Variants in MYLK4 observed in about 807,000 individuals in gnomAD.
The protein encoded by MYLK4 is myosin light chain kinase family member 4, also known as caMLCK like.
In MYLK4, 46 loss-of-function variants were observed where a neutral mutation model predicts 48.1. The observed-to-expected ratio is 0.96, with a 90% CI of 0.75 to 1.22. The LOEUF is 1.22. MYLK4 is among the 50% of genes most tolerant of loss of function. MYLK4 has a pLI of 0.00. For synonymous variants in MYLK4, 170 were observed against 180.8 expected (o/e 0.94, Z 0.48); for missense variants, 451 against 486.1 (o/e 0.93, Z 0.68).
intron 2 of MYLK4, among the ~76,000 whole-genome samples, chr6:2,695,349 T>C (rs1762021458): frequency 6.6e-6 from 1 of 152,152 alleles, no homozygotes; most frequent in African/African-American, 2.4e-5. Context: ...TAAAAGTATA[T>C]AAAATTGAGC....
chr6:2,720,888 C>T (rs749959054), intron 2 of MYLK4, among the ~76,000 whole-genome samples: 1 of 152,062 alleles, frequency 6.6e-6, no homozygotes, highest in Non-Finnish European at 1.5e-5. Context: ...GTGGGCTGGG[C>T]GTGGTGGCTC....
intron 3 of MYLK4, 128 bp from the exon 4 acceptor site, chr6:2,689,084 C>A: frequency 1.4e-6 from 1 of 692,292 alleles, no homozygotes; most frequent in Non-Finnish European, 2.5e-6. Context: ...CTGTTTGATT[C>A]CTAATGATCC....
At chr6:2,670,949 C>T (rs931050423) in intron 12 of MYLK4, among the ~76,000 whole-genome samples, 7 of 152,008 alleles carry the variant, frequency 4.6e-5, no homozygotes, top group East Asian at 3.9e-4. Flanking sequence ...TACCCCTAGA[C>T]GGTTACCAGC....
intron 2 of MYLK4, among the ~76,000 whole-genome samples, chr6:2,703,234 AG>A (rs1186882818): frequency 6.6e-6 from 1 of 152,226 alleles, no homozygotes; most frequent in Non-Finnish European, 1.5e-5. Context: ...TGTACAGACC[AG>A]GGAAAAAGAG....
intron 2 of MYLK4, among the ~76,000 whole-genome samples, chr6:2,730,013 G>C (rs956255648): frequency 1.3e-5 from 2 of 152,220 alleles, no homozygotes; most frequent in African/African-American, 4.8e-5. Context: ...AAAACTTCAT[G>C]ATCTGGGGTC....
At chr6:2,725,073 C>T (rs888603049) in intron 2 of MYLK4, among the ~76,000 whole-genome samples, 1 of 152,104 alleles carries the variant, frequency 6.6e-6, no homozygotes, top group African/African-American at 2.4e-5. Flanking sequence ...ATCACTTGAA[C>T]CTGGGAGGCG....
At chr6:2,724,156 GCATGAGC>G (rs1333970588) in intron 2 of MYLK4, among the ~76,000 whole-genome samples, 4 of 152,130 alleles carry the variant, frequency 2.6e-5, no homozygotes, top group Non-Finnish European at 5.9e-5. Flanking sequence ...GTGATTACAG[GCATGAGC>G]CACCATGCCT....
intron 2 of MYLK4, among the ~76,000 whole-genome samples, chr6:2,697,443 C>G (rs993801780): frequency 6.6e-6 from 1 of 152,234 alleles, no homozygotes; most frequent in African/African-American, 2.4e-5. Flanking sequence ...TTAACCATTA[C>G]ATTTACTGCC....
intron 2 of MYLK4, among the ~76,000 whole-genome samples, chr6:2,728,657 C>T (rs1467808451): frequency 6.6e-6 from 1 of 152,186 alleles, no homozygotes; most frequent in African/African-American, 2.4e-5. Flanking sequence ...GCTGGGAGGC[C>T]CGTGGAGGCC....
At chr6:2,762,023 T>G in the MYLK4 span, among the ~76,000 whole-genome samples, 1 of 152,158 alleles carries the variant, frequency 6.6e-6, no homozygotes, top group African/African-American at 2.4e-5. Context: ...GTAATTCTCC[T>G]GCCTCAGCCT....
the MYLK4 span, chr6:2,765,651 C>T: frequency 6.5e-6 from 10 of 1,546,194 alleles, no homozygotes; most frequent in South Asian, 1.1e-5. Flanking sequence ...GAAGACGACC[C>T]CTTCCTTTCG....
At chr6:2,678,772 G>A (rs1314817905) in intron 9 of MYLK4, among the ~76,000 whole-genome samples, 2 of 149,684 alleles carry the variant, frequency 1.3e-5, no homozygotes, top group African/African-American at 2.5e-5. Flanking sequence ...GTGCAGTGGC[G>A]TGATCTCGTT....
intron 10 of MYLK4, 74 bp downstream of exon 10, chr6:2,678,146 G>C (rs377192612): frequency 9.8e-5 from 149 of 1,526,872 alleles, no homozygotes; most frequent in Admixed American, 1.4e-4. Flanking sequence ...GAATAAATTC[G>C]AACAGCCCTG....
intron 2 of MYLK4, among the ~76,000 whole-genome samples, chr6:2,709,220 T>C (rs1459633489): frequency 2.0e-5 from 3 of 152,212 alleles, no homozygotes; most frequent in Non-Finnish European, 4.4e-5. Flanking sequence ...TTTATTTCTA[T>C]CACACAACGA....
At chr6:2,683,438 G>A (rs911133772) in intron 6 of MYLK4, among the ~76,000 whole-genome samples, 2 of 103,674 alleles carry the variant, frequency 1.9e-5, no homozygotes, top group Non-Finnish European at 4.0e-5. Flanking sequence ...TGTGTGTTTT[G>A]AGATGGAGTC....
At chr6:2,749,567 T>C (rs559876946) in intron 1 of MYLK4, among the ~76,000 whole-genome samples, 161 bp from the exon 2 acceptor site, 4 of 152,348 alleles carry the variant, frequency 2.6e-5, no homozygotes, top group South Asian at 2.1e-4. Flanking sequence ...GTTTCCAACA[T>C]TGGAACTTTA....
intron 11 of MYLK4, 36 bp from the exon 12 acceptor site, chr6:2,671,384 A>ACATATGGGAAGGATTAATCCCCTGAG (rs1289824681): frequency 6.3e-7 from 1 of 1,594,824 alleles, no homozygotes; most frequent in African/African-American, 1.3e-5. Context: ...AAGGATTAGG[A>ACATATGGGAAGGATTAATCCCCTGAG]CTGTTTCCTT....
chr6:2,711,446 A>G (rs1383866254), intron 2 of MYLK4, among the ~76,000 whole-genome samples: 1 of 152,228 alleles, frequency 6.6e-6, no homozygotes, highest in Admixed American at 6.5e-5. Flanking sequence ...TCCATGTTCT[A>G]AATATTCTTA....
At chr6:2,693,850 C>T (rs1195298065) in intron 2 of MYLK4, among the ~76,000 whole-genome samples, 5 of 151,176 alleles carry the variant, frequency 3.3e-5, no homozygotes, top group African/African-American at 7.3e-5. Flanking sequence ...CTCCAACTCC[C>T]GGGTTCAGGC....
Sources: allele counts gnomAD v4.1 joint callset (sites outside exome capture counted in the v4.1 genomes callset), GRCh38; gene constraint gnomAD v4.1.1; transcripts MANE v1.5; gene names NCBI Gene and HGNC (gene_info 2026-07-23, HGNC 2026-07-21).